Variants in PTGR1 observed in about 807,000 individuals in gnomAD.
The protein encoded by PTGR1 is 15-oxoprostaglandin 13-reductase.
Under a neutral mutation model 37.7 loss-of-function variants are expected in PTGR1, and 23 were observed. The observed-to-expected ratio is 0.61, with a 90% CI of 0.44 to 0.86. PTGR1 has a LOEUF of 0.86. Ranked by LOEUF, PTGR1 falls within the 40% of genes least tolerant of loss-of-function variation. PTGR1 has a pLI of 0.00. For missense variants in PTGR1, 351 were observed against 394.3 expected, an observed-to-expected ratio of 0.89 and a Z score of 0.93; for synonymous variants, 134 against 140.0, an observed-to-expected ratio of 0.96 and a Z score of 0.30.
At chr9:111,588,869 A>C (rs1405728198) in intron 4 of PTGR1, among the ~76,000 whole-genome samples, 1 of 152,110 alleles carries the variant, frequency 6.6e-6, no homozygotes, top group Non-Finnish European at 1.5e-5. Flanking sequence ...CACGTTGTCC[A>C]GGGTGGTCTC....
At chr9:111,580,959 C>T (rs1036288277) in intron 6 of PTGR1, among the ~76,000 whole-genome samples, 5 of 152,088 alleles carry the variant, frequency 3.3e-5, no homozygotes, top group African/African-American at 1.2e-4. Flanking sequence ...AGTATAAATT[C>T]CTTAGCATGG....
intron 4 of PTGR1, among the ~76,000 whole-genome samples, chr9:111,589,553 G>A (rs1324071697): frequency 6.6e-6 from 1 of 151,826 alleles, no homozygotes; most frequent in Non-Finnish European, 1.5e-5. Context: ...CACTGAAGCT[G>A]CCCCCACTCA....
intron 6 of PTGR1, among the ~76,000 whole-genome samples, chr9:111,582,172 C>A (rs1310384340): frequency 3.9e-5 from 6 of 151,902 alleles, no homozygotes; most frequent in African/African-American, 7.3e-5. Flanking sequence ...CCAGTTATGA[C>A]AATTAATAAG....
intron 7 of PTGR1, chr9:111,576,326 C>G: frequency 6.2e-7 from 1 of 1,610,396 alleles, no homozygotes; most frequent in Non-Finnish European, 8.5e-7. Context: ...TTTGTAACCT[C>G]AAACCAGTAC....
chr9:111,550,052 T>C (rs959134826), intron 9 of PTGR1, among the ~76,000 whole-genome samples: 1 of 152,002 alleles, frequency 6.6e-6, no homozygotes, highest in African/African-American at 2.4e-5. Context: ...TATTTTTTGT[T>C]GTTGTTTTTT....
At chr9:111,550,072 GTTTT>G (rs1589280626) in intron 9 of PTGR1, among the ~76,000 whole-genome samples, 1 of 152,032 alleles carries the variant, frequency 6.6e-6, no homozygotes, top group Non-Finnish European at 1.5e-5. Context: ...TGTGTTGTGT[GTTTT>G]TTGTTTTCGT....
chr9:111,591,486 C>T (rs1302537276), intron 4 of PTGR1, among the ~76,000 whole-genome samples: 1 of 149,744 alleles, frequency 6.7e-6, no homozygotes, highest in African/African-American at 2.5e-5. Context: ...TCTCCTGCCT[C>T]AGCCTCCCGA....
chr9:111,572,309 A>G (rs1828852509), intron 8 of PTGR1, among the ~76,000 whole-genome samples: 1 of 152,206 alleles, frequency 6.6e-6, no homozygotes, highest in South Asian at 2.1e-4. Context: ...CTTAAATGAA[A>G]GTGGGATGGG....
At chr9:111,593,826 C>T (rs1296580646) in intron 3 of PTGR1, among the ~76,000 whole-genome samples, 1 of 152,130 alleles carries the variant, frequency 6.6e-6, no homozygotes, top group Non-Finnish European at 1.5e-5. Context: ...GCTGGGACCA[C>T]AGGCCTGCGC....
chr9:111,596,293 G>C (rs1172479905), intron 2 of PTGR1, among the ~76,000 whole-genome samples: 1 of 152,138 alleles, frequency 6.6e-6, no homozygotes, highest in African/African-American at 2.4e-5. Context: ...TGGGATATTA[G>C]CAAACGTGGC....
At chr9:111,585,957 G>A (rs1250276535) in intron 5 of PTGR1, 41 bp downstream of exon 5, 4 of 1,606,348 alleles carry the variant, frequency 2.5e-6, no homozygotes, top group Non-Finnish European at 3.4e-6. Flanking sequence ...AAATCAGAGT[G>A]TCAGACATTC....
At chr9:111,567,611 C>T (rs140862917) in intron 9 of PTGR1, among the ~76,000 whole-genome samples, 142 of 152,318 alleles carry the variant, frequency 9.3e-4, no homozygotes, top group Non-Finnish European at 1.7e-3. Context: ...AGAGAGATAT[C>T]AGGGGTCAGA....
At chr9:111,591,822 A>T (rs1233053326) in intron 4 of PTGR1, among the ~76,000 whole-genome samples, 1 of 152,238 alleles carries the variant, frequency 6.6e-6, no homozygotes, top group African/African-American at 2.4e-5. Context: ...ACGGAATAAA[A>T]GATGAAATGC....
intron 9 of PTGR1, among the ~76,000 whole-genome samples, chr9:111,556,333 C>T (rs1254855893): frequency 6.6e-6 from 1 of 152,236 alleles, no homozygotes; most frequent in Non-Finnish European, 1.5e-5. Flanking sequence ...TGTGACTTTT[C>T]CAGGTGCATG....
rs1026791622 is a variant in PTGR1 at position 111,562,953 on chromosome 9, T to C, written c.*168A>G. ...GTTGTTGTTGACTTTGAAACTTCCA[T>C]CCTCCATCACTAATTACATACCACT... On this transcript the variant is annotated 3_prime_UTR_variant, in exon 10 of 10. Transcript: ENST00000407693. 5 of 1,390,284 alleles carry C rather than the reference T, an allele frequency of 3.6e-6. No individual in the cohort carries two copies. In the African/African-American group the frequency reaches 7.2e-5, roughly 20 times the overall value. 86.1% of individuals were successfully genotyped at this position (1,390,284 alleles called of 1,614,324 possible).
intron 7 of PTGR1, among the ~76,000 whole-genome samples, chr9:111,575,768 A>G (rs1829028188): frequency 1.3e-5 from 2 of 152,166 alleles, no homozygotes; most frequent in Admixed American, 1.3e-4. Flanking sequence ...GTAGACCTGA[A>G]TGTAACAGCT....
chr9:111,570,766 G>A (rs1828783506), intron 8 of PTGR1, among the ~76,000 whole-genome samples: 2 of 152,086 alleles, frequency 1.3e-5, no homozygotes, highest in South Asian at 4.1e-4. Context: ...GTGACAGAAT[G>A]AGACTCTGCC....
At chr9:111,549,838 T>C in intron 9 of PTGR1, 1 of 1,293,066 alleles carries the variant, frequency 7.7e-7, no homozygotes, top group South Asian at 1.3e-5. Context: ...TTTGAGCATC[T>C]TTAAGGCAGT....
chr9:111,592,428 A>G (rs553583471), intron 4 of PTGR1: 40 of 153,994 alleles, frequency 2.6e-4, no homozygotes, highest in African/African-American at 9.1e-4. Flanking sequence ...TCACCTCATA[A>G]TCAAATGACC....
Sources: gnomAD v4.1 joint callset for allele counts (sites outside exome capture counted in the v4.1 genomes callset) on GRCh38, gnomAD v4.1.1 for gene constraint, MANE v1.5 for transcripts, NCBI Gene and HGNC (gene_info 2026-07-23, HGNC 2026-07-21) for gene names.